The following BMP8A variants were observed in gnomAD, a reference collection of about 807,000 sequenced individuals.
BMP8A encodes bone morphogenetic protein 8a.
Under a neutral mutation model 36.8 loss-of-function variants are expected in BMP8A, and 14 were observed. The observed-to-expected ratio is 0.38, with a 90% CI of 0.25 to 0.60. BMP8A has a LOEUF of 0.60. Ranked by LOEUF, BMP8A falls within the 20% of genes least tolerant of loss-of-function variation. The probability of loss-of-function intolerance (pLI) is 0.63; values close to 1 mark genes in which losing one functional copy is unlikely to be tolerated. For missense variants in BMP8A, 267 were observed against 551.1 expected, an observed-to-expected ratio of 0.48 and a Z score of 5.16; for synonymous variants, 120 against 237.7, an observed-to-expected ratio of 0.50 and a Z score of 4.55.
At position 39,523,412 on chromosome 1, in the gene BMP8A, C is replaced by T. The variant is rs760761689; in HGVS notation, c.1059+295C>T. 32 of 1,034,698 alleles carry T rather than the reference C, an allele frequency of 3.1e-5. No homozygotes were observed. The Admixed American group carries it at 4.6e-4, about 15-fold the overall frequency. 64.1% of individuals were successfully genotyped at this position (1,034,698 alleles called of 1,614,324 possible). A position where few individuals can be genotyped will look rare whatever the true frequency, so the allele number is the denominator to read the frequency against. ...TGTGGGACACTTACACACCTGCGTG[C>T]GGCGCTCAGAGGCACAGCACATGAA... On this transcript the variant is annotated intron_variant, in intron 6 of 6. Transcript: ENST00000331593.
Position 39,494,352 on chromosome 1 carries a change from C to CTT in BMP8A, c.334+2040_334+2041dup, listed in dbSNP as rs573186363. Among the ~76,000 whole-genome samples the CTT allele has an allele frequency of 3.9e-3, 460 of 118,342 alleles. 1 individual carries two copies. Among genetic ancestry groups the CTT allele is most frequent in the African/African-American group, 0.017 (443 of 25,594 alleles). The allele number at this position is 118,342 out of a possible 152,430, so 77.6% of individuals were successfully genotyped here. A position where few individuals can be genotyped will look rare whatever the true frequency, so the allele number is the denominator to read the frequency against. On this transcript the variant is annotated intron_variant, in intron 1 of 6. Transcript: ENST00000331593. The stretch of plus-strand genomic sequence containing the variant: ...CTTCTTTCTTTCTTTTTTCTTTTTT[C>CTT]TTTTTTTTTTTTTTAAGAGGCAGGG...
In BMP8A at chr1:39,525,441, T is replaced by G. The variant is rs550603580; in HGVS notation, c.1060-208T>G. Among the ~76,000 whole-genome samples, 4 of 152,192 alleles carry G rather than the reference T, an allele frequency of 2.6e-5. No homozygotes were observed. In the South Asian group the frequency reaches 8.3e-4, roughly 32 times the overall value. Reference sequence around the variant, plus strand: ...ACACCCTGGGGCTGCCATGTATCCCTCCCTGGGCACTGTGGGCCACCACAG... The same window carrying G: ...ACACCCTGGGGCTGCCATGTATCCCGCCCTGGGCACTGTGGGCCACCACAG... On this transcript the variant is annotated intron_variant, in intron 6 of 6. Coordinates refer to ENST00000331593, the MANE Select transcript of BMP8A (RefSeq NM_181809.4).
chr1:39,509,239 C>G (rs914161339), intron 1 of BMP8A, among the ~76,000 whole-genome samples: 1 of 152,196 alleles, frequency 6.6e-6, no homozygotes, highest in Non-Finnish European at 1.5e-5. Flanking sequence ...GTCGCATGCC[C>G]TGTGACAGCC....
At position 39,525,901 on chromosome 1, in the gene BMP8A, G is replaced by T; in HGVS notation, c.*103G>T. 6.4e-7 allele frequency: 1 copy of T among 1,553,198 alleles called. No homozygotes were observed. On this transcript the variant is annotated 3_prime_UTR_variant, in exon 7 of 7. Transcript: ENST00000331593. ...TGTCACAGCTCAAGCAGGAGTGTCAGGGGCCCTCACTCTCGGTGCCTACTT... is the reference window on the plus strand; with the variant it reads ...TGTCACAGCTCAAGCAGGAGTGTCATGGGCCCTCACTCTCGGTGCCTACTT...
chr1:39,524,643 G>A lies in BMP8A; in HGVS notation c.1060-1006G>A, dbSNP rs138836351. On this transcript the variant is annotated intron_variant, in intron 6 of 6. Coordinates refer to ENST00000331593, the MANE Select transcript of BMP8A (RefSeq NM_181809.4). The surrounding 1 kb of genome is among the most constrained non-coding windows in gnomAD (Gnocchi z 4.0). ...GCCGGGGTGAGCCAGGCCAGCTCCCGTAGGGCCTGGGGTTCCCTGGGAAGG... is the reference window on the plus strand; with the variant it reads ...GCCGGGGTGAGCCAGGCCAGCTCCCATAGGGCCTGGGGTTCCCTGGGAAGG... Among the ~76,000 whole-genome samples the A allele has an allele frequency of 1.8e-3, 273 of 152,244 alleles. 1 individual carries two copies. Among genetic ancestry groups the A allele is most frequent in the African/African-American group, 6.2e-3 (257 of 41,554 alleles).
chr1:39,509,997 G>T (rs1372253606), intron 1 of BMP8A, among the ~76,000 whole-genome samples: 1 of 151,570 alleles, frequency 6.6e-6, no homozygotes, highest in Non-Finnish European at 1.5e-5. Context: ...TGTTTGATTG[G>T]CAGGCCAGCC....
chr1:39,520,237 C>G (rs1645420647), intron 3 of BMP8A, among the ~76,000 whole-genome samples: 1 of 140,236 alleles, frequency 7.1e-6, no homozygotes, highest in African/African-American at 2.6e-5. Context: ...ACCTCCCAGG[C>G]TCAAGCAGTC....
chr1:39,522,822 G>A (rs1389916914), intron 5 of BMP8A, among the ~76,000 whole-genome samples, 185 bp from the exon 6 acceptor site: 1 of 150,990 alleles, frequency 6.6e-6, no homozygotes, highest in Non-Finnish European at 1.5e-5. Context: ...CGGCTGGGGA[G>A]GGGACACAAA....
chr1:39,509,133 C>A (rs1458593920), intron 1 of BMP8A, among the ~76,000 whole-genome samples: 2 of 152,188 alleles, frequency 1.3e-5, no homozygotes, highest in East Asian at 3.9e-4. Context: ...AGCCCCAGGA[C>A]CCACCCAGCA....
rs143923995 is a variant in BMP8A at position 39,496,882 on chromosome 1, G to A, written c.334+4557G>A. Among the ~76,000 whole-genome samples the A allele has an allele frequency of 7.9e-4, 120 of 152,322 alleles. 1 individual carries two copies. In the East Asian group the frequency reaches 0.019, roughly 23 times the overall value. ...TTTTGGGGGAATTTATAGAAATAAT[G>A]CATGCTCATTCTACAAAATTCAGAT... is the stretch of plus-strand genomic sequence containing the variant. On this transcript the variant is annotated intron_variant, in intron 1 of 6. Transcript: ENST00000331593.
intron 5 of BMP8A, among the ~76,000 whole-genome samples, 177 bp downstream of exon 5, chr1:39,522,659 TTG>T (rs76213789): frequency 0.055 from 8,424 of 151,948 alleles, 227 homozygotes; most frequent in Non-Finnish European, 0.086. Flanking sequence ...GTTGTTGTTG[TTG>T]TGTTTTTTGT....
Position 39,492,091 on chromosome 1 carries a change from C to A in BMP8A, c.100C>A (p.Arg34=). Reference sequence around the variant, plus strand: ...GCGACCCCCGCCCGGCTGTCCCCAGCGACGTCTGGGCGCGCGCGAGCGCCG... The same window carrying A: ...GCGACCCCCGCCCGGCTGTCCCCAGAGACGTCTGGGCGCGCGCGAGCGCCG... The part of the protein sequence containing the change: ...GLRPPPGCPQ[R]RLGARERRDV... Residue 34 remains arginine (R), a synonymous_variant, in exon 1 of 7, where the codon CGA becomes AGA. Coordinates refer to ENST00000331593, the MANE Select transcript of BMP8A (RefSeq NM_181809.4). The A allele has an allele frequency of 1.7e-6, 2 of 1,157,908 alleles. No homozygotes were observed. The highest frequency in any genetic ancestry group is 2.1e-6 in the Non-Finnish European group (2 of 943,746). 71.7% of individuals were successfully genotyped at this position (1,157,908 alleles called of 1,614,324 possible).
intron 1 of BMP8A, among the ~76,000 whole-genome samples, chr1:39,500,991 A>G (rs933926926): frequency 6.6e-6 from 1 of 152,198 alleles, no homozygotes; most frequent in African/African-American, 2.4e-5. Flanking sequence ...CTAGTGGCTG[A>G]AAGGCTCAAG....
Position 39,526,280 on chromosome 1 carries a change from G to A in BMP8A, c.*482G>A, listed in dbSNP as rs1645482648. On this transcript the variant is annotated 3_prime_UTR_variant, in exon 7 of 7. Coordinates refer to ENST00000331593, the MANE Select transcript of BMP8A (RefSeq NM_181809.4). Reference sequence around the variant, plus strand: ...TCTGGGATTCTTCTCATTTGGTCCAGGGTGCAGTTAGCATATTAGAAAAAG... The same window carrying A: ...TCTGGGATTCTTCTCATTTGGTCCAAGGTGCAGTTAGCATATTAGAAAAAG... 2.0e-5 allele frequency among the ~76,000 whole-genome samples: 3 copies of A among 152,100 alleles called. No individual in the cohort carries two copies. In the South Asian group the frequency reaches 6.2e-4, roughly 32 times the overall value.
At position 39,526,678 on chromosome 1, in the gene BMP8A, G is replaced by T. The variant is rs1645486890; in HGVS notation, c.*880G>T. On this transcript the variant is annotated 3_prime_UTR_variant, in exon 7 of 7. Coordinates refer to ENST00000331593, the MANE Select transcript of BMP8A (RefSeq NM_181809.4). ...TGTCATGTGTATTCCCTTGCCCTGG[G>T]CCTGCCCCTTCTCCTGCCTGGGAAA... 6.6e-6 allele frequency among the ~76,000 whole-genome samples: 1 copy of T among 152,142 alleles called. No individual in the cohort carries two copies. Among genetic ancestry groups the T allele is most frequent in the African/African-American group, 2.4e-5 (1 of 41,408 alleles).
chr1:39,523,192 G>T, intron 6 of BMP8A, 75 bp downstream of exon 6: 1 of 1,536,160 alleles, frequency 6.5e-7, no homozygotes, highest in Non-Finnish European at 8.9e-7. Context: ...CCAGCCAGCC[G>T]GGAGGGCAGT....
intron 3 of BMP8A, among the ~76,000 whole-genome samples, chr1:39,519,505 T>C (rs1335776582): frequency 6.9e-6 from 1 of 145,134 alleles, no homozygotes; most frequent in Non-Finnish European, 1.5e-5. Flanking sequence ...ACAGCCTCCC[T>C]GTCTCAGCAG....
intron 1 of BMP8A, among the ~76,000 whole-genome samples, chr1:39,509,193 G>A (rs147854849): frequency 9.2e-5 from 14 of 152,312 alleles, no homozygotes; most frequent in African/African-American, 3.1e-4. Context: ...CTTTGAAAGC[G>A]GACAGGAGAA....
chr1:39,523,163 C>A (rs777858668), intron 6 of BMP8A, 46 bp downstream of exon 6: 2 of 1,601,628 alleles, frequency 1.2e-6, no homozygotes, highest in Middle Eastern at 1.7e-4. Flanking sequence ...GTGGGAGGCC[C>A]TGCAGAGAGG....
Sources: gnomAD v4.1 joint callset for allele counts (sites outside exome capture counted in the v4.1 genomes callset) on GRCh38, gnomAD v4.1.1 for gene constraint, Gnocchi (gnomAD v3.1) non-coding constraint, MANE v1.5 for transcripts, NCBI Gene and HGNC (gene_info 2026-07-23, HGNC 2026-07-21) for gene names.